Variants in CSMD3 observed in about 807,000 individuals in gnomAD.
The protein encoded by CSMD3 is CUB and Sushi multiple domains 3.
Under a neutral mutation model 435.2 loss-of-function variants are expected in CSMD3, and 177 were observed. The ratio of observed to expected loss-of-function variants is 0.41; its 90% CI spans 0.36 to 0.46. The LOEUF (loss-of-function observed/expected upper bound fraction) is 0.46, where lower values mean the gene tolerates loss of function less well. CSMD3 is among the 20% of genes least tolerant of loss of function. The pLI, the probability that CSMD3 is intolerant of heterozygous loss-of-function variation, is 0.34. For synonymous variants in CSMD3, 1,656 were observed against 1,520.5 expected (o/e 1.09, Z -2.07); for missense variants, 4,265 against 4,504.6 (o/e 0.95, Z 1.52).
At chr8:113,308,460 G>A (rs939215474) in intron 2 of CSMD3, among the ~76,000 whole-genome samples, 1 of 151,620 alleles carries the variant, frequency 6.6e-6, no homozygotes, top group African/African-American at 2.4e-5. Context: ...AGTAAAGACG[G>A]GCTTTCACTG....
chr8:112,259,964 T>G (rs1369663571), intron 61 of CSMD3, among the ~76,000 whole-genome samples: 1 of 152,116 alleles, frequency 6.6e-6, no homozygotes, highest in African/African-American at 2.4e-5. Flanking sequence ...CCACCTAAAC[T>G]CCTCAATCCC....
chr8:112,369,006 TATAATA>T (rs1828060732), intron 38 of CSMD3, among the ~76,000 whole-genome samples: 1 of 152,138 alleles, frequency 6.6e-6, no homozygotes, highest in African/African-American at 2.4e-5. Flanking sequence ...TTATTATAAT[TATAATA>T]ATGACAGTGG....
In CSMD3 at chr8:112,598,439, C is replaced by G. The variant is rs1485179977; in HGVS notation, c.3716-11204G>C. 9.4e-5 allele frequency among the ~76,000 whole-genome samples: 14 copies of G among 148,388 alleles called. No homozygotes were observed. In the East Asian group the frequency reaches 2.2e-3, roughly 23 times the overall value. On this transcript the variant is annotated intron_variant, in intron 22 of 70. Transcript: ENST00000297405. ...AATCAATATTGTGAAAATGGCCATA[C>G]TGCCCAAGGTAATTTACAGATTCAA...
chr8:113,250,467 A>AT (rs1426074797), intron 3 of CSMD3, among the ~76,000 whole-genome samples: 9 of 152,076 alleles, frequency 5.9e-5, no homozygotes, highest in African/African-American at 2.2e-4. Context: ...CATCTTAAAC[A>AT]TTTTTTGTTT....
intron 2 of CSMD3, among the ~76,000 whole-genome samples, chr8:113,307,384 T>G (rs2093829865): frequency 6.6e-6 from 1 of 152,154 alleles, no homozygotes; most frequent in Non-Finnish European, 1.5e-5. Context: ...CTCCTTCACA[T>G]CTTCAAGAAG....
intron 6 of CSMD3, among the ~76,000 whole-genome samples, chr8:112,997,254 C>T (rs1386854675): frequency 6.6e-6 from 1 of 151,430 alleles, no homozygotes; most frequent in African/African-American, 2.4e-5. Context: ...AGTCACATTC[C>T]AGCTTTTCAG....
intron 5 of CSMD3, among the ~76,000 whole-genome samples, chr8:113,060,033 T>G (rs1468955245): frequency 1.3e-5 from 2 of 149,102 alleles, no homozygotes; most frequent in African/African-American, 4.9e-5. Flanking sequence ...AGGGTACATG[T>G]GCACATTGTG....
chr8:112,361,572 CATATATATAT>C (rs4030099), intron 38 of CSMD3, among the ~76,000 whole-genome samples: 1,883 of 106,978 alleles, frequency 0.018, 55 homozygotes, highest in East Asian at 0.04. Context: ...TATACACATA[CATATATATAT>C]ATATATATAT....
intron 70 of CSMD3, among the ~76,000 whole-genome samples, chr8:112,225,419 T>G: frequency 6.6e-6 from 1 of 152,028 alleles, no homozygotes; most frequent in Non-Finnish European, 1.5e-5. Context: ...CAAGAATAAA[T>G]TAAAATAAAT....
At chr8:112,453,319 A>G (rs991671444) in intron 32 of CSMD3, among the ~76,000 whole-genome samples, 8 of 152,168 alleles carry the variant, frequency 5.3e-5, no homozygotes, top group Non-Finnish European at 2.9e-5. Context: ...AAAGAAGTCA[A>G]CTTACCTCTC....
chr8:112,263,548 T>C, intron 61 of CSMD3, 91 bp downstream of exon 61: 1 of 969,596 alleles, frequency 1.0e-6, no homozygotes, highest in Non-Finnish European at 1.6e-6. Context: ...TGAACCCTAA[T>C]TAGGCATTGA....
intron 9 of CSMD3, among the ~76,000 whole-genome samples, chr8:112,932,952 TA>T (rs1279956872): frequency 1.3e-5 from 2 of 152,170 alleles, no homozygotes; most frequent in African/African-American, 4.8e-5. Flanking sequence ...GTGTTCCCCA[TA>T]AACATGTACA....
At chr8:112,924,399 A>AT (rs1462515239) in intron 9 of CSMD3, among the ~76,000 whole-genome samples, 1 of 152,148 alleles carries the variant, frequency 6.6e-6, no homozygotes, top group Non-Finnish European at 1.5e-5. Context: ...CATAGGATTC[A>AT]TTTAATTACT....
chr8:113,322,410 T>G (rs763457899), intron 1 of CSMD3, among the ~76,000 whole-genome samples: 4 of 152,090 alleles, frequency 2.6e-5, no homozygotes, highest in Non-Finnish European at 5.9e-5. Flanking sequence ...GAGCCATTTA[T>G]AAAAAAAGAC....
At chr8:112,841,497 ATTAT>A (rs2080177449) in intron 11 of CSMD3, among the ~76,000 whole-genome samples, 1 of 151,764 alleles carries the variant, frequency 6.6e-6, no homozygotes, top group South Asian at 2.1e-4. Flanking sequence ...TTACATGATG[ATTAT>A]TTATTCCTGT....
intron 10 of CSMD3, among the ~76,000 whole-genome samples, chr8:112,911,985 C>T (rs1437940668): frequency 6.7e-6 from 1 of 149,068 alleles, no homozygotes; most frequent in African/African-American, 2.4e-5. Flanking sequence ...TTATACCTTC[C>T]TTTCCTGTCA....
At chr8:113,291,728 T>C (rs867468619) in intron 2 of CSMD3, among the ~76,000 whole-genome samples, 1 of 151,874 alleles carries the variant, frequency 6.6e-6, no homozygotes, top group Non-Finnish European at 1.5e-5. Context: ...TTATTGACTG[T>C]ACACAAAGTT....
chr8:112,836,514 C>T (rs1366796138), intron 11 of CSMD3, among the ~76,000 whole-genome samples: 2 of 151,800 alleles, frequency 1.3e-5, no homozygotes, highest in African/African-American at 4.8e-5. Flanking sequence ...ATTCTGGCCA[C>T]TGGAAGATGA....
At chr8:112,716,025 T>C (rs1282719710) in intron 13 of CSMD3, among the ~76,000 whole-genome samples, 3 of 152,194 alleles carry the variant, frequency 2.0e-5, no homozygotes, top group African/African-American at 7.2e-5. Flanking sequence ...AAAACAAAGA[T>C]GCACTGTCTT....
Sources: allele counts gnomAD v4.1 joint callset (sites outside exome capture counted in the v4.1 genomes callset), GRCh38; gene constraint gnomAD v4.1.1; transcripts MANE v1.5; gene names NCBI Gene and HGNC (gene_info 2026-07-23, HGNC 2026-07-21).